The following CDKAL1 variants were observed in gnomAD, a reference collection of about 807,000 sequenced individuals.
CDKAL1 encodes CDKAL1 threonylcarbamoyladenosine tRNA methylthiotransferase, also known as threonylcarbamoyladenosine tRNA methylthiotransferase.
Under a neutral mutation model 68.2 loss-of-function variants are expected in CDKAL1, and 32 were observed. The ratio of observed to expected loss-of-function variants is 0.47; its 90% CI spans 0.35 to 0.63. The LOEUF is 0.63. CDKAL1 is among the 30% of genes least tolerant of loss of function. The pLI, the probability that CDKAL1 is intolerant of heterozygous loss-of-function variation, is 0.00. For missense variants in CDKAL1, 606 were observed against 696.7 expected (o/e 0.87, Z 1.47); for synonymous variants, 234 against 244.3 (o/e 0.96, Z 0.39).
At chr6:20,587,797 CA>C (rs1390627730) in intron 4 of CDKAL1, among the ~76,000 whole-genome samples, 2 of 146,586 alleles carry the variant, frequency 1.4e-5, no homozygotes, top group East Asian at 2.1e-4. Flanking sequence ...AACCAAAAAC[CA>C]AAAAAAACCC....
At chr6:20,886,022 G>A (rs1257219899) in intron 9 of CDKAL1, among the ~76,000 whole-genome samples, 1 of 152,134 alleles carries the variant, frequency 6.6e-6, no homozygotes, top group Non-Finnish European at 1.5e-5. Context: ...GAGAAACAGA[G>A]CAAGACGCCA....
intron 13 of CDKAL1, among the ~76,000 whole-genome samples, chr6:21,166,080 A>C (rs1003389530): frequency 1.3e-5 from 2 of 152,182 alleles, no homozygotes; most frequent in Non-Finnish European, 2.9e-5. Flanking sequence ...AGCATTACAC[A>C]TGTTACATAT....
chr6:21,149,319 A>G (rs1439866829), intron 13 of CDKAL1, among the ~76,000 whole-genome samples: 1 of 151,340 alleles, frequency 6.6e-6, no homozygotes, highest in Non-Finnish European at 1.5e-5. Context: ...ATTTTTTTGT[A>G]TTTTTTAGTA....
At chr6:20,703,686 T>G (rs1398397461) in intron 5 of CDKAL1, among the ~76,000 whole-genome samples, 1 of 152,114 alleles carries the variant, frequency 6.6e-6, no homozygotes, top group Non-Finnish European at 1.5e-5. Flanking sequence ...TTATAATAGT[T>G]AACAGGAAAA....
At chr6:20,615,850 T>G (rs1366977774) in intron 4 of CDKAL1, among the ~76,000 whole-genome samples, 4 of 126,076 alleles carry the variant, frequency 3.2e-5, no homozygotes, top group Non-Finnish European at 3.4e-5. Context: ...CATGAAGTCC[T>G]TGCCCATGCC....
Position 20,806,504 on chromosome 6 carries a change from T to A in CDKAL1, c.638+25239T>A, listed in dbSNP as rs1201125448. Among the ~76,000 whole-genome samples the A allele has an allele frequency of 5.3e-5, 8 of 152,202 alleles. No homozygotes were observed. The South Asian group carries it at 1.7e-3, about 32-fold the overall frequency. On this transcript the variant is annotated intron_variant, in intron 8 of 15. Transcript: ENST00000274695. ...GGTATATATGCAATAATGAGATTTC[T>A]GGGCTGAATGGTAGTTCTGTTTTAA...
At chr6:20,872,024 T>C (rs1269328972) in intron 9 of CDKAL1, among the ~76,000 whole-genome samples, 1 of 152,118 alleles carries the variant, frequency 6.6e-6, no homozygotes, top group Non-Finnish European at 1.5e-5. Flanking sequence ...TGCCCCAACA[T>C]AGAGCAACAG....
chr6:20,874,085 G>A (rs1381671335), intron 9 of CDKAL1, among the ~76,000 whole-genome samples: 2 of 152,054 alleles, frequency 1.3e-5, no homozygotes, highest in African/African-American at 2.4e-5. Flanking sequence ...GTTGGGCCTG[G>A]GATATAGAAG....
intron 4 of CDKAL1, among the ~76,000 whole-genome samples, chr6:20,640,306 G>A (rs9460538): frequency 0.7 from 105,914 of 152,070 alleles, 37,205 homozygotes; most frequent in African/African-American, 0.77. Flanking sequence ...TCCTTTTATT[G>A]TTTTGTGTTG....
intron 4 of CDKAL1, among the ~76,000 whole-genome samples, chr6:20,605,957 A>G (rs1766316421): frequency 6.6e-6 from 1 of 152,126 alleles, no homozygotes; most frequent in African/African-American, 2.4e-5. Flanking sequence ...TGATTTCCTC[A>G]AATTCTTAAC....
intron 4 of CDKAL1, among the ~76,000 whole-genome samples, chr6:20,550,952 C>T (rs888920310): frequency 2.0e-5 from 3 of 150,120 alleles, no homozygotes; most frequent in South Asian, 2.1e-4. Flanking sequence ...CAGCAAGCTC[C>T]GCCTCACGGT....
Position 21,201,129 on chromosome 6 carries a change from C to T in CDKAL1, c.1403C>T (p.Pro468Leu). The change falls in exon 15 of 16, where the codon CCT becomes CTT. Residue 468 changes from proline to leucine, a missense_variant. Coordinates refer to ENST00000274695, the MANE Select transcript of CDKAL1 (RefSeq NM_017774.3). Reference sequence around the variant, plus strand: ...TTTAAGGTTTTAGTGCCAAAGAACCCTGCGTTCATGGGGAAGATGGTTGAA... The same window carrying T: ...TTTAAGGTTTTAGTGCCAAAGAACCTTGCGTTCATGGGGAAGATGGTTGAA... ...FYEQVLVPKN[P>L]AFMGKMVEVD... The T allele has an allele frequency of 1.2e-6, 2 of 1,612,838 alleles. No homozygotes were observed. Among genetic ancestry groups the T allele is most frequent in the Non-Finnish European group, 1.7e-6 (2 of 1,179,054 alleles).
chr6:21,072,487 G>A (rs562940127), intron 12 of CDKAL1, among the ~76,000 whole-genome samples: 2 of 145,838 alleles, frequency 1.4e-5, no homozygotes, highest in Non-Finnish European at 3.0e-5. Context: ...CCTTTTTTTC[G>A]GAGCTTGCAG....
At chr6:21,211,549 T>C (rs1388713048) in intron 15 of CDKAL1, among the ~76,000 whole-genome samples, 1 of 152,170 alleles carries the variant, frequency 6.6e-6, no homozygotes, top group Non-Finnish European at 1.5e-5. Flanking sequence ...GTCTCCATGG[T>C]AAGGAAAGAC....
intron 5 of CDKAL1, among the ~76,000 whole-genome samples, chr6:20,713,704 T>C (rs1258592020): frequency 2.0e-5 from 3 of 152,182 alleles, no homozygotes; most frequent in Non-Finnish European, 2.9e-5. Context: ...TTTTTTTTCT[T>C]GTTAAAAACA....
chr6:20,850,821 T>C (rs1341088895), intron 9 of CDKAL1, among the ~76,000 whole-genome samples: 1 of 152,126 alleles, frequency 6.6e-6, no homozygotes, highest in East Asian at 1.9e-4. Context: ...TCAGAAGAGA[T>C]TCTGAAATAA....
intron 11 of CDKAL1, among the ~76,000 whole-genome samples, chr6:21,048,965 T>C (rs1472044943): frequency 1.3e-5 from 2 of 152,140 alleles, no homozygotes; most frequent in Non-Finnish European, 2.9e-5. Context: ...GTTGATTATT[T>C]CTGTAATTGG....
intron 4 of CDKAL1, among the ~76,000 whole-genome samples, chr6:20,552,541 G>T (rs1282324611): frequency 1.3e-5 from 2 of 150,978 alleles, no homozygotes; most frequent in Admixed American, 1.3e-4. Flanking sequence ...ATTAGGTTTT[G>T]TTTTACACAC....
At chr6:20,614,645 T>G (rs1020212358) in intron 4 of CDKAL1, among the ~76,000 whole-genome samples, 2 of 152,188 alleles carry the variant, frequency 1.3e-5, no homozygotes, top group African/African-American at 4.8e-5. Flanking sequence ...TAATTAAGAT[T>G]TATCTTTTTT....
Sources: gnomAD v4.1 joint callset for allele counts (sites outside exome capture counted in the v4.1 genomes callset) on GRCh38, gnomAD v4.1.1 for gene constraint, MANE v1.5 for transcripts, NCBI Gene and HGNC (gene_info 2026-07-23, HGNC 2026-07-21) for gene names.